MAGI2: variants seen among roughly 807,000 people sequenced by gnomAD.
MAGI2 encodes the protein membrane-associated guanylate kinase, WW and PDZ domain-containing protein 2.
A neutral mutation model predicts 133.3 loss-of-function variants in MAGI2; 35 were observed. The observed-to-expected ratio is 0.26, with a 90% confidence interval of 0.20 to 0.35. MAGI2 has a LOEUF of 0.35. Among genes scored for constraint, MAGI2 ranks in the 10% least tolerant of loss-of-function variants. MAGI2 has a pLI of 1.00. For synonymous variants in MAGI2, 729 were observed against 710.6 expected (o/e 1.03, Z -0.41); for missense variants, 1,636 against 1,863.4 (o/e 0.88, Z 2.25).
intron 5 of MAGI2, 22 bp from the exon 6 acceptor site, chr7:78,489,862 C>T (rs1397524956): frequency 1.3e-6 from 2 of 1,573,920 alleles, no homozygotes; most frequent in Non-Finnish European, 1.7e-6. Context: ...AGAGATCACT[C>T]TGAACAGACA....
chr7:78,983,460 C>T (rs936619057), intron 2 of MAGI2, among the ~76,000 whole-genome samples: 3 of 151,806 alleles, frequency 2.0e-5, no homozygotes, highest in Admixed American at 6.6e-5. Flanking sequence ...AGAATGTTCT[C>T]TTTGGGGATA....
At chr7:78,675,012 A>T (rs555296717) in intron 2 of MAGI2, among the ~76,000 whole-genome samples, 14 of 152,314 alleles carry the variant, frequency 9.2e-5, no homozygotes, top group Non-Finnish European at 2.1e-4. Context: ...GATTAAACTG[A>T]AACACTGTTT....
chr7:78,588,625 G>A (rs1335730417), intron 3 of MAGI2, among the ~76,000 whole-genome samples: 1 of 152,204 alleles, frequency 6.6e-6, no homozygotes, highest in Non-Finnish European at 1.5e-5. Flanking sequence ...TCCTATCAGA[G>A]CCTCTTACTT....
chr7:79,429,506 T>G (rs983182031), intron 1 of MAGI2, among the ~76,000 whole-genome samples: 1 of 152,076 alleles, frequency 6.6e-6, no homozygotes, highest in Non-Finnish European at 1.5e-5. Context: ...GGTTTCACCA[T>G]GTTGGCCAGG....
chr7:78,265,093 A>T (rs887966115), intron 9 of MAGI2, among the ~76,000 whole-genome samples: 173 of 150,744 alleles, frequency 1.1e-3, no homozygotes, highest in Non-Finnish European at 1.9e-3. Flanking sequence ...TTTTTTTTTT[A>T]AATTATGATT....
At chr7:78,700,237 G>C (rs930171902) in intron 2 of MAGI2, among the ~76,000 whole-genome samples, 5 of 152,110 alleles carry the variant, frequency 3.3e-5, no homozygotes, top group African/African-American at 1.2e-4. Flanking sequence ...GTAGGAGATA[G>C]AGATTCTCCT....
intron 1 of MAGI2, among the ~76,000 whole-genome samples, chr7:79,304,232 T>TGTGTGC (rs1186248786): frequency 1.3e-5 from 2 of 150,648 alleles, no homozygotes; most frequent in East Asian, 3.9e-4. Flanking sequence ...TGTGTGTGTG[T>TGTGTGC]AGATTTCTAG....
At position 79,202,952 on chromosome 7, in the gene MAGI2, G is replaced by A. The variant is rs185222395; in HGVS notation, c.302-195746C>T. Among the ~76,000 whole-genome samples, 232 of 152,012 alleles carry A rather than the reference G, an allele frequency of 1.5e-3. 2 individuals are homozygous for A. Among genetic ancestry groups the A allele is most frequent in the African/African-American group, 5.1e-3 (212 of 41,358 alleles). On this transcript the variant is annotated intron_variant, in intron 1 of 21. Coordinates refer to ENST00000354212, the MANE Select transcript of MAGI2 (RefSeq NM_012301.4). ...GACATCTTCACTTGCCTTTCTAATA[G>A]ACATGTAAGGCTTAACATGTCCAAA...
At chr7:78,325,613 T>C (rs1001235303) in intron 9 of MAGI2, among the ~76,000 whole-genome samples, 2 of 152,234 alleles carry the variant, frequency 1.3e-5, no homozygotes, top group Non-Finnish European at 2.9e-5. Flanking sequence ...TTTCTTCTCA[T>C]GGTTGTTAGA....
rs117284388 is a variant in MAGI2, at chr7:79,044,176, C to T, written c.302-36970G>A. Among the ~76,000 whole-genome samples, 1,178 of 152,104 alleles carry T rather than the reference C, an allele frequency of 7.7e-3. 11 individuals carry two copies. Among genetic ancestry groups the T allele is most frequent in the Non-Finnish European group, 0.011 (756 of 67,974 alleles). ...TCCCTAATGAACATAGATAAAAAAT[C>T]CTCACTAAAATATTAGCATCCCAAA... On this transcript the variant is annotated intron_variant, in intron 1 of 21. Transcript: ENST00000354212.
chr7:78,922,299 G>A (rs765452431), intron 2 of MAGI2, among the ~76,000 whole-genome samples: 17 of 151,324 alleles, frequency 1.1e-4, no homozygotes, highest in Middle Eastern at 6.9e-3. Context: ...CCATTAAGTC[G>A]TCATTTAGCA....
At chr7:78,224,545 G>T (rs1789162653) in intron 10 of MAGI2, among the ~76,000 whole-genome samples, 1 of 151,868 alleles carries the variant, frequency 6.6e-6, no homozygotes, top group African/African-American at 2.4e-5. Flanking sequence ...GTGTGCCTGT[G>T]GTCCCAACTA....
At chr7:78,581,657 T>C (rs966816386) in intron 3 of MAGI2, among the ~76,000 whole-genome samples, 1 of 152,222 alleles carries the variant, frequency 6.6e-6, no homozygotes, top group Admixed American at 6.5e-5. Context: ...TTGCTAGGAT[T>C]ATCATTGAAG....
intron 2 of MAGI2, among the ~76,000 whole-genome samples, chr7:78,914,578 G>A (rs139028222): frequency 9.2e-5 from 14 of 152,110 alleles, no homozygotes; most frequent in African/African-American, 3.1e-4. Flanking sequence ...AGGAACACAC[G>A]ATCAATCAAA....
chr7:79,390,666 T>C (rs145595763), intron 1 of MAGI2, among the ~76,000 whole-genome samples: 272 of 152,314 alleles, frequency 1.8e-3, no homozygotes, highest in African/African-American at 6.2e-3. Flanking sequence ...AAGCACTATC[T>C]GTAAAGATTT....
intron 1 of MAGI2, among the ~76,000 whole-genome samples, chr7:79,168,901 T>TAGATATAG (rs1316380067): frequency 6.7e-4 from 6 of 8,946 alleles, no homozygotes; most frequent in Admixed American, 1.1e-3. Context: ...TATATATATA[T>TAGATATAG]ATATATATAT....
At chr7:78,241,068 AG>A (rs1004672797) in intron 10 of MAGI2, among the ~76,000 whole-genome samples, 3 of 152,048 alleles carry the variant, frequency 2.0e-5, no homozygotes, top group African/African-American at 7.2e-5. Context: ...TTCTTGAGGC[AG>A]GGACTTTGTT....
chr7:78,465,167 T>C (rs1003348086), intron 6 of MAGI2, among the ~76,000 whole-genome samples: 1 of 152,172 alleles, frequency 6.6e-6, no homozygotes, highest in African/African-American at 2.4e-5. Flanking sequence ...ATTCAGTGAA[T>C]CTGGGCTTCA....
At chr7:78,255,553 A>C (rs798318) in intron 10 of MAGI2, 196,166 of 381,342 alleles carry the variant, frequency 0.51, 55,090 homozygotes, top group African/African-American at 0.82. Flanking sequence ...AAGCACGATT[A>C]AAAGCGTTGC....
Sources: gnomAD v4.1 joint callset for allele counts (sites outside exome capture counted in the v4.1 genomes callset) on GRCh38, gnomAD v4.1.1 for gene constraint, MANE v1.5 for transcripts, NCBI Gene and HGNC (gene_info 2026-07-23, HGNC 2026-07-21) for gene names.